The following RTTN variants were observed in gnomAD, a reference collection of about 807,000 sequenced individuals.
RTTN encodes the protein rotatin.
Under a neutral mutation model 269.2 loss-of-function variants are expected in RTTN, and 182 were observed. That is an observed-to-expected ratio of 0.68 (90% CI 0.60 to 0.76). The LOEUF is 0.76. Ranked by LOEUF, RTTN falls within the 30% of genes least tolerant of loss-of-function variation. The pLI, the probability that RTTN is intolerant of heterozygous loss-of-function variation, is 0.00. For synonymous variants in RTTN, 1,006 were observed against 963.5 expected (o/e 1.04, Z -0.82); for missense variants, 2,545 against 2,608.6 (o/e 0.98, Z 0.53).
intron 25 of RTTN, among the ~76,000 whole-genome samples, chr18:70,123,234 T>C (rs913191559): frequency 3.3e-5 from 5 of 152,182 alleles, no homozygotes; most frequent in Non-Finnish European, 7.4e-5. Context: ...AATAATTGTA[T>C]GTATCTTTAG....
intron 29 of RTTN, 150 bp from the exon 30 acceptor site, chr18:70,092,370 A>T (rs2145240811): frequency 1.5e-6 from 1 of 653,072 alleles, no homozygotes; most frequent in East Asian, 2.9e-5. Flanking sequence ...AAAGGCAAAC[A>T]AAAAAATTTG....
intron 37 of RTTN, among the ~76,000 whole-genome samples, chr18:70,055,185 T>C (rs552212790): frequency 6.6e-6 from 1 of 152,300 alleles, no homozygotes; most frequent in Admixed American, 6.5e-5. Context: ...CCTCTGAATA[T>C]GTAACAATTA....
At chr18:70,115,888 T>C (rs192572763) in intron 26 of RTTN, among the ~76,000 whole-genome samples, 9 of 152,114 alleles carry the variant, frequency 5.9e-5, no homozygotes, top group Admixed American at 5.9e-4. Flanking sequence ...TATATAGAGA[T>C]ATATACAATT....
At chr18:70,012,045 G>A (rs1422179917) in intron 46 of RTTN, among the ~76,000 whole-genome samples, 2 of 138,198 alleles carry the variant, frequency 1.4e-5, no homozygotes, top group African/African-American at 5.3e-5. Flanking sequence ...CACTGGTATT[G>A]GTTACAGGGC....
At chr18:70,062,003 C>T (rs73964491) in intron 35 of RTTN, among the ~76,000 whole-genome samples, 3,307 of 152,180 alleles carry the variant, frequency 0.022, 126 homozygotes, top group African/African-American at 0.075. Flanking sequence ...ATTTGCCTTG[C>T]CTTATGAACA....
At chr18:70,004,390 AT>A (rs1219950711) in intron 48 of RTTN, among the ~76,000 whole-genome samples, 154 bp from the exon 49 acceptor site, 1 of 152,204 alleles carries the variant, frequency 6.6e-6, no homozygotes, top group Non-Finnish European at 1.5e-5. Flanking sequence ...AATATTTTGC[AT>A]TTTTTAAAAA....
At chr18:70,153,748 A>G (rs942105864) in intron 14 of RTTN, among the ~76,000 whole-genome samples, 8 of 152,192 alleles carry the variant, frequency 5.3e-5, no homozygotes, top group African/African-American at 1.7e-4. Context: ...ACAAATCCTT[A>G]TATCCAAACC....
Position 70,028,821 on chromosome 18 carries a change from T to C in RTTN, c.5746-20A>G. On this transcript the variant is annotated intron_variant, in intron 42 of 48. Transcript: ENST00000640769. ...ATCCTCCTATTTAAACAAAAAGCAG[T>C]TGAAAACTGTGAATGCAACAGCATA... The C allele has an allele frequency of 2.6e-6, 4 of 1,556,474 alleles. No individual in the cohort carries two copies. The highest frequency in any genetic ancestry group is 3.5e-6 in the Non-Finnish European group (4 of 1,129,906).
intron 34 of RTTN, among the ~76,000 whole-genome samples, chr18:70,070,339 A>G (rs2058261712): frequency 1.3e-5 from 2 of 152,342 alleles, no homozygotes; most frequent in Non-Finnish European, 1.5e-5. Context: ...AGAGTATAAC[A>G]TTTTCTTTCT....
intron 40 of RTTN, among the ~76,000 whole-genome samples, chr18:70,041,769 G>A (rs1318438751): frequency 6.6e-6 from 1 of 151,978 alleles, no homozygotes. Flanking sequence ...AACCTTTGAA[G>A]GATTAAGTGA....
rs181846343 is a variant in RTTN, at chr18:70,202,764, T to C, written c.398-781A>G. ...TACTTTATACTTTTATTCTCAGCTA[T>C]AGAGTAAGACTAATAACATCTCAGT... On this transcript the variant is annotated intron_variant, in intron 3 of 48. Coordinates refer to ENST00000640769, the MANE Select transcript of RTTN (RefSeq NM_173630.4). Among the ~76,000 whole-genome samples, 609 of 152,334 alleles carry C rather than the reference T, an allele frequency of 4.0e-3. 5 individuals are homozygous for C. The highest frequency in any genetic ancestry group is 0.014 in the African/African-American group (572 of 41,574).
intron 40 of RTTN, among the ~76,000 whole-genome samples, chr18:70,045,136 G>GT: frequency 6.6e-6 from 1 of 152,326 alleles, no homozygotes; most frequent in Non-Finnish European, 1.5e-5. Context: ...GACTTAAGAT[G>GT]TAAGTATGAA....
rs771371692 is a variant in RTTN at position 70,193,317 on chromosome 18, A to G, written c.978T>C (p.Asp326=). 6.2e-7 allele frequency: 1 copy of G among 1,611,126 alleles called. No individual in the cohort carries two copies. The highest frequency in any genetic ancestry group is 1.7e-5 in the Admixed American group (1 of 59,622). The change falls in exon 8 of 49, where the codon GAT becomes GAC. Residue 326 remains aspartate (D), a synonymous_variant. Coordinates refer to ENST00000640769, the MANE Select transcript of RTTN (RefSeq NM_173630.4). ...AGGACGCTGCATCCCAGTCCTGGCCATCTCCTCTGGGTCGCTGGCCTGTGC... is the reference window on the plus strand; with the variant it reads ...AGGACGCTGCATCCCAGTCCTGGCCGTCTCCTCTGGGTCGCTGGCCTGTGC... The part of the protein sequence containing the change: ...VGRTGQRPRG[D]GQDWDAASSS...
Position 70,028,733 on chromosome 18 carries a change from C to T in RTTN, c.5814G>A (p.Glu1938=). ...QLLRNCLYQN[E]ECKEAALEAH... The stretch of plus-strand genomic sequence containing the variant: ...AAGTAGTTCTACTTACTTTACATTC[C>T]TCATTTTGATAAAGACAGTTTCTTA... Residue 1938 remains glutamate, a synonymous_variant, in exon 43 of 49, where the codon GAG becomes GAA. Coordinates refer to ENST00000640769, the MANE Select transcript of RTTN (RefSeq NM_173630.4). 6.2e-7 allele frequency: 1 copy of T among 1,604,634 alleles called. No homozygotes were observed. Among genetic ancestry groups the T allele is most frequent in the Non-Finnish European group, 8.5e-7 (1 of 1,173,710 alleles).
chr18:70,126,436 T>C (rs1174422164), intron 25 of RTTN, among the ~76,000 whole-genome samples: 2 of 152,220 alleles, frequency 1.3e-5, no homozygotes, highest in East Asian at 3.9e-4. Context: ...TGTTTGTCAA[T>C]TTCCATGGTG....
At chr18:70,149,292 A>G (rs1011640374) in intron 16 of RTTN, among the ~76,000 whole-genome samples, 3 of 151,996 alleles carry the variant, frequency 2.0e-5, no homozygotes, top group East Asian at 1.9e-4. Flanking sequence ...TGATTTTTCT[A>G]TTTTCTAAGA....
At position 70,017,670 on chromosome 18, in the gene RTTN, T is replaced by C. The variant is rs1453934971; in HGVS notation, c.6158A>G (p.Asn2053Ser). Reference protein sequence around the residue: ...HDCKGVIQKSNFLQNFLSLAL... With the variant: ...HDCKGVIQKSSFLQNFLSLAL... ...TAGAGAGAGGAAGTTCTGTAAGAAG[T>C]TACTCTGTGGATAAATAGAGAGAAT... The change falls in exon 46 of 49, where the codon AAC becomes AGC. Residue 2053 changes from asparagine to serine, a missense_variant. Asn to Ser is a conservative substitution (Grantham distance 46). Transcript: ENST00000640769. The C allele has an allele frequency of 2.5e-6, 4 of 1,609,556 alleles. No homozygotes were observed. The Admixed American group carries it at 6.7e-5, about 27-fold the overall frequency.
At chr18:70,099,968 GT>G (rs1484803174) in intron 28 of RTTN, among the ~76,000 whole-genome samples, 6 of 152,220 alleles carry the variant, frequency 3.9e-5, no homozygotes, top group Non-Finnish European at 5.9e-5. Flanking sequence ...GTACCATGCT[GT>G]TTTGGTTACT....
intron 18 of RTTN, 147 bp downstream of exon 18, chr18:70,145,465 G>C: frequency 3.4e-6 from 2 of 595,962 alleles, no homozygotes; most frequent in Non-Finnish European, 5.5e-6. Context: ...GCCAGATAAA[G>C]CCAGAACACA....
Sources: allele counts gnomAD v4.1 joint callset (sites outside exome capture counted in the v4.1 genomes callset), GRCh38; gene constraint gnomAD v4.1.1; transcripts MANE v1.5; gene names NCBI Gene and HGNC (gene_info 2026-07-23, HGNC 2026-07-21).